The following ARHGAP11A variants were observed in gnomAD, a reference collection of about 807,000 sequenced individuals.
ARHGAP11A encodes the protein Rho GTPase activating protein 11A.
A neutral mutation model predicts 60.5 loss-of-function variants in ARHGAP11A; 36 were observed. The ratio of observed to expected loss-of-function variants is 0.59; its 90% CI spans 0.46 to 0.79. The LOEUF (loss-of-function observed/expected upper bound fraction) is 0.79, where lower values mean the gene tolerates loss of function less well. ARHGAP11A is among the 30% of genes least tolerant of loss of function. ARHGAP11A has a pLI of 0.00. For missense variants in ARHGAP11A, 1,071 were observed against 1,199.2 expected (o/e 0.89, Z 1.58); for synonymous variants, 362 against 415.5 (o/e 0.87, Z 1.57).
chr15:32,621,206 T>G (rs1460198415), intron 2 of ARHGAP11A, among the ~76,000 whole-genome samples: 2 of 77,444 alleles, frequency 2.6e-5, no homozygotes, highest in African/African-American at 1.0e-4. Flanking sequence ...TTTTTTTTTT[T>G]GAGACAAGAG....
intron 11 of ARHGAP11A, 159 bp downstream of exon 11, chr15:32,636,074 A>C: frequency 7.2e-7 from 1 of 1,379,926 alleles, no homozygotes; most frequent in Non-Finnish European, 9.4e-7. Flanking sequence ...TCTATCAACA[A>C]TTGGGAAATG....
In ARHGAP11A at chr15:32,623,603, G is replaced by A. The variant is rs536663876; in HGVS notation, c.297+15G>A. The A allele has an allele frequency of 6.2e-7, 1 of 1,601,882 alleles. No individual in the cohort carries two copies. Among genetic ancestry groups the A allele is most frequent in the African/African-American group, 1.3e-5 (1 of 74,316 alleles). Reference sequence around the variant, plus strand: ...AAGCACTAAAGGTGAGCATATTGTTGAACTATTAATTTTTCATTTGAGCCA... The same window carrying A: ...AAGCACTAAAGGTGAGCATATTGTTAAACTATTAATTTTTCATTTGAGCCA... On this transcript the variant is annotated intron_variant, in intron 3 of 11. Coordinates refer to ENST00000361627, the MANE Select transcript of ARHGAP11A (RefSeq NM_014783.6).
At chr15:32,635,570 C>A (rs2053685003) in intron 10 of ARHGAP11A, among the ~76,000 whole-genome samples, 1 of 152,210 alleles carries the variant, frequency 6.6e-6, no homozygotes, top group East Asian at 1.9e-4. Context: ...AAAAATAGAT[C>A]ATAAAATATC....
Position 32,625,545 on chromosome 15 carries a change from C to T in ARHGAP11A, c.774C>T (p.Leu258=), listed in dbSNP as rs2053438400. The change falls in exon 6 of 12, where the codon CTC becomes CTT. Residue 258 remains leucine, a synonymous_variant. Transcript: ENST00000361627. ...CAGCCATGTTGGGTATTGATGGTCTCTGTGCTACTCCATCACTGGAAGGCT... is the reference window on the plus strand; with the variant it reads ...CAGCCATGTTGGGTATTGATGGTCTTTGTGCTACTCCATCACTGGAAGGCT... ...KIPAMLGIDG[L]CATPSLEGFE... The T allele has an allele frequency of 1.2e-6, 2 of 1,613,828 alleles. No homozygotes were observed. Among genetic ancestry groups the T allele is most frequent in the Admixed American group, 3.3e-5 (2 of 60,018 alleles).
At chr15:32,627,811 CTT>C (rs369719619) in intron 6 of ARHGAP11A, among the ~76,000 whole-genome samples, 9 of 135,740 alleles carry the variant, frequency 6.6e-5, no homozygotes, top group African/African-American at 8.2e-5. Flanking sequence ...TTAAGGCTCA[CTT>C]TTTTTTTTTT....
At chr15:32,626,951 C>T (rs2053472658) in intron 6 of ARHGAP11A, among the ~76,000 whole-genome samples, 1 of 152,140 alleles carries the variant, frequency 6.6e-6, no homozygotes, top group South Asian at 2.1e-4. Flanking sequence ...TGGTCACCTT[C>T]ATAGGAACTG....
At position 32,637,837 on chromosome 15, in the gene ARHGAP11A, G is replaced by C. The variant is rs2053761598; in HGVS notation, c.3064G>C (p.Asp1022His). The change falls in exon 12 of 12, where the codon GAT becomes CAT. Residue 1022 changes from aspartate to histidine, a missense_variant. By Grantham distance (81) the Asp-to-His change is moderately conservative. Coordinates refer to ENST00000361627, the MANE Select transcript of ARHGAP11A (RefSeq NM_014783.6). ...ATTACTACCAACAAGTAAACCTGTA[G>C]ATTTGTAATTGGTAAATGTTATACT... ...TQLLPTSKPVDL is the reference protein window; with the variant it reads ...TQLLPTSKPVHL 6.3e-7 allele frequency: 1 copy of C among 1,588,842 alleles called. No individual in the cohort carries two copies. Among genetic ancestry groups the C allele is most frequent in the African/African-American group, 1.4e-5 (1 of 73,514 alleles).
At chr15:32,627,697 C>T (rs2053497848) in intron 6 of ARHGAP11A, among the ~76,000 whole-genome samples, 1 of 151,984 alleles carries the variant, frequency 6.6e-6, no homozygotes, top group South Asian at 2.1e-4. Context: ...CCACTGCACT[C>T]CAGCCTGGGC....
Position 32,634,024 on chromosome 15 carries a change from A to G in ARHGAP11A, c.1327A>G (p.Lys443Glu). The part of the protein sequence containing the change: ...RSLRLKFNLG[K>E]NGREVNGCSG... ...TCTGCGTTTGAAATTCAATCTAGGGAAAAATGGCAGAGAAGTAGTAAGTTT... is the reference window on the plus strand; with the variant it reads ...TCTGCGTTTGAAATTCAATCTAGGGGAAAATGGCAGAGAAGTAGTAAGTTT... Residue 443 changes from lysine to glutamate, a missense_variant, in exon 10 of 12, where the codon AAA (lysine) becomes GAA (glutamate). Lys to Glu is a moderately conservative substitution (Grantham distance 56). This residue lies in a region of ARHGAP11A where 776 missense variants were observed against 760.2 expected (regional missense o/e 1.02). Coordinates refer to ENST00000361627, the MANE Select transcript of ARHGAP11A (RefSeq NM_014783.6). 3 of 1,602,464 alleles carry G rather than the reference A, an allele frequency of 1.9e-6. No individual in the cohort carries two copies. Among genetic ancestry groups the G allele is most frequent in the Non-Finnish European group, 2.6e-6 (3 of 1,174,984 alleles).
chr15:32,631,338 C>T (rs1012107718), intron 8 of ARHGAP11A, among the ~76,000 whole-genome samples: 5 of 151,024 alleles, frequency 3.3e-5, no homozygotes, highest in Non-Finnish European at 7.4e-5. Flanking sequence ...TCTTGTTGCC[C>T]AGGCTAGAGT....
intron 3 of ARHGAP11A, among the ~76,000 whole-genome samples, 156 bp downstream of exon 3, chr15:32,623,744 G>A (rs4780027): frequency 0.43 from 64,720 of 151,854 alleles, 14,025 homozygotes; most frequent in Admixed American, 0.53. Flanking sequence ...AAAAGAAATG[G>A]TATATTATTT....
intron 10 of ARHGAP11A, among the ~76,000 whole-genome samples, chr15:32,634,488 G>A (rs539794354): frequency 6.6e-6 from 1 of 152,088 alleles, no homozygotes; most frequent in Non-Finnish European, 1.5e-5. Flanking sequence ...CCAGAACTTT[G>A]GCTTTTCAGA....
rs1035314625 is a variant in ARHGAP11A, at chr15:32,638,591, A to G, written c.*746A>G. 6.6e-6 allele frequency: 1 copy of G among 152,474 alleles called. No homozygotes were observed. Among genetic ancestry groups the G allele is most frequent in the Non-Finnish European group, 1.5e-5 (1 of 68,012 alleles). 9.4% of individuals were successfully genotyped at this position (152,474 alleles called of 1,614,324 possible). On this transcript the variant is annotated 3_prime_UTR_variant, in exon 12 of 12. Coordinates refer to ENST00000361627, the MANE Select transcript of ARHGAP11A (RefSeq NM_014783.6). ...ATATTAATGTTTATTGTCCTTGCCA[A>G]AATTCCTAGAAATTAATTTCCTTCA...
Position 32,624,425 on chromosome 15 carries a change from A to T in ARHGAP11A, c.550A>T (p.Arg184Ter). ...TAACTTTCTCAGGAATGTTTCTCTT[A>T]GGTAAGTGGTAATTAAAACTCTTGG... ...FFNFLRNVSL[R>*]SSENKMDSSN... Residue 184 changes from arginine (R) to a stop codon, truncating the protein, a stop_gained and splice_region_variant, in exon 4 of 12, where the codon AGA (arginine) becomes TGA (stop). Transcript: ENST00000361627. LOFTEE classifies it high-confidence loss of function. The T allele has an allele frequency of 1.2e-6, 2 of 1,607,580 alleles. No individual in the cohort carries two copies. Among genetic ancestry groups the T allele is most frequent in the Non-Finnish European group, 1.7e-6 (2 of 1,178,256 alleles).
rs1171420755 is a variant in ARHGAP11A, at chr15:32,635,803, T to G, written c.1371T>G (p.Tyr457Ter). 2 of 1,610,106 alleles carry G rather than the reference T, an allele frequency of 1.2e-6. No individual in the cohort carries two copies. Among genetic ancestry groups the G allele is most frequent in the African/African-American group, 1.3e-5 (1 of 74,808 alleles). Residue 457 changes from tyrosine (Y) to a stop codon, truncating the protein, a stop_gained, in exon 11 of 12, where the codon TAT becomes TAG. Transcript: ENST00000361627. LOFTEE classifies it high-confidence loss of function. ...EVNGCSGVNR[Y>*]ESVGWRLANQ... ...ATGGATGTTCTGGTGTCAATAGATATGAAAGTGTTGGTTGGCGACTTGCAA... is the reference window on the plus strand; with the variant it reads ...ATGGATGTTCTGGTGTCAATAGATAGGAAAGTGTTGGTTGGCGACTTGCAA...
chr15:32,631,983 T>C (rs2053597873), intron 8 of ARHGAP11A, among the ~76,000 whole-genome samples: 1 of 152,178 alleles, frequency 6.6e-6, no homozygotes. Flanking sequence ...CCGGACACAT[T>C]TTTAAAGTGA....
In ARHGAP11A at chr15:32,636,581, T is replaced by A; in HGVS notation, c.1808T>A (p.Phe603Tyr). ...ACTTTGGTGAAAGTTCAAAAAGCGT[T>A]TTCTGAATCTGGAAGTAATCTTCAC... The part of the protein sequence containing the change: ...KETLVKVQKA[F>Y]SESGSNLHAL... Residue 603 changes from phenylalanine to tyrosine, a missense_variant, in exon 12 of 12, where the codon TTT becomes TAT. By Grantham distance (22) the Phe-to-Tyr change is conservative. Coordinates refer to ENST00000361627, the MANE Select transcript of ARHGAP11A (RefSeq NM_014783.6). 1.9e-6 allele frequency: 3 copies of A among 1,614,138 alleles called. No individual in the cohort carries two copies. Among genetic ancestry groups the A allele is most frequent in the Non-Finnish European group, 2.5e-6 (3 of 1,179,996 alleles).
chr15:32,620,628 G>A (rs1317208693), intron 2 of ARHGAP11A, among the ~76,000 whole-genome samples: 1 of 151,550 alleles, frequency 6.6e-6, no homozygotes, highest in Non-Finnish European at 1.5e-5. Context: ...TTAAAGTCCA[G>A]TAATGAGTAA....
At chr15:32,625,341 T>C (rs981442678) in intron 5 of ARHGAP11A, 98 bp downstream of exon 5, 143 of 1,457,936 alleles carry the variant, frequency 9.8e-5, no homozygotes, top group Non-Finnish European at 8.8e-5. Flanking sequence ...AAAGTTGGTA[T>C]ATTACTGACC....
Sources: gnomAD v4.1 joint callset for allele counts (sites outside exome capture counted in the v4.1 genomes callset) on GRCh38, gnomAD v4.1.1 for gene constraint, gnomAD v4.1.1 regional missense constraint, MANE v1.5 for transcripts, NCBI Gene and HGNC (gene_info 2026-07-23, HGNC 2026-07-21) for gene names.